The following IQCM variants were observed in gnomAD, a reference collection of about 807,000 sequenced individuals.
IQCM encodes IQ motif containing M.
A neutral mutation model predicts 57.6 loss-of-function variants in IQCM; 45 were observed. That is an observed-to-expected ratio of 0.78 (90% CI 0.62 to 1.00). The LOEUF (loss-of-function observed/expected upper bound fraction) is 1.00. Ranked by LOEUF, IQCM falls within the 50% of genes least tolerant of loss-of-function variation. IQCM has a pLI of 0.00. For missense variants in IQCM, 468 were observed against 511.6 expected (o/e 0.91, Z 0.82); for synonymous variants, 148 against 158.9 (o/e 0.93, Z 0.51).
intron 2 of IQCM, among the ~76,000 whole-genome samples, chr4:149,762,839 T>C (rs1769664598): frequency 6.6e-6 from 1 of 152,090 alleles, no homozygotes; most frequent in Non-Finnish European, 1.5e-5. Flanking sequence ...CTTTCCTAAT[T>C]ACTCTTATAA....
rs77661498 is a variant in IQCM, at chr4:149,617,767, G to GA, written c.681+3361dup. ...CTCAATCCCATTTATAATAGCTACA[G>GA]AAAAAAAAACACTGAGGAATACATT... On this transcript the variant is annotated intron_variant, in intron 8 of 13. Coordinates refer to ENST00000636793, the MANE Select transcript of IQCM (RefSeq NM_001363507.2). Among the ~76,000 whole-genome samples the GA allele has an allele frequency of 1.8e-3, 263 of 148,616 alleles. 1 individual carries two copies. The highest frequency in any genetic ancestry group is 1.8e-3 in the East Asian group (9 of 5,074).
chr4:149,477,542 C>A (rs1740328309), intron 12 of IQCM, among the ~76,000 whole-genome samples: 1 of 152,264 alleles, frequency 6.6e-6, no homozygotes, highest in South Asian at 2.1e-4. Context: ...CTTGCCCTCA[C>A]AGAGCTTACT....
chr4:149,743,146 T>C (rs1006110203), intron 2 of IQCM, among the ~76,000 whole-genome samples: 1 of 152,210 alleles, frequency 6.6e-6, no homozygotes, highest in Non-Finnish European at 1.5e-5. Flanking sequence ...TTTCTACTAC[T>C]TGCTTTCTTA....
intron 7 of IQCM, among the ~76,000 whole-genome samples, chr4:149,623,553 G>C (rs1043964644): frequency 6.6e-6 from 1 of 152,192 alleles, no homozygotes; most frequent in African/African-American, 2.4e-5. Flanking sequence ...CACAGAAGGT[G>C]ACATGCAACA....
chr4:149,473,719 C>T (rs375626390), intron 12 of IQCM, among the ~76,000 whole-genome samples: 1 of 152,098 alleles, frequency 6.6e-6, no homozygotes, highest in Non-Finnish European at 1.5e-5. Context: ...AGACTTGGAA[C>T]CAACCCAAAT....
rs181086934 is a variant in IQCM, at chr4:149,525,397, A to G, written c.1228+23058T>C. Among the ~76,000 whole-genome samples, 502 of 152,064 alleles carry G rather than the reference A, an allele frequency of 3.3e-3. 4 individuals are homozygous for G. The highest frequency in any genetic ancestry group is 2.8e-3 in the Non-Finnish European group (193 of 67,804). ...GTGATTCATAAATGTTAAACTGGCA[A>G]TAGATTGAATCAAGCAGTCAATCCT... On this transcript the variant is annotated intron_variant, in intron 12 of 13. Transcript: ENST00000636793.
At chr4:149,533,081 C>A (rs569535569) in intron 12 of IQCM, among the ~76,000 whole-genome samples, 1 of 151,948 alleles carries the variant, frequency 6.6e-6, no homozygotes, top group Non-Finnish European at 1.5e-5. Flanking sequence ...ATAGAAGAAA[C>A]AGCAAATGCA....
At chr4:149,437,718 T>C (rs1390686678) in intron 12 of IQCM, among the ~76,000 whole-genome samples, 1 of 151,930 alleles carries the variant, frequency 6.6e-6, no homozygotes, top group Non-Finnish European at 1.5e-5. Flanking sequence ...TAATAGAGAA[T>C]TGACATAAAG....
At chr4:149,686,980 T>G (rs1762586252) in intron 5 of IQCM, among the ~76,000 whole-genome samples, 1 of 151,640 alleles carries the variant, frequency 6.6e-6, no homozygotes. Context: ...AATCTACTTC[T>G]TCAAGTCTAA....
intron 7 of IQCM, among the ~76,000 whole-genome samples, chr4:149,678,112 T>C (rs974776797): frequency 6.6e-6 from 1 of 151,862 alleles, no homozygotes; most frequent in African/African-American, 2.4e-5. Flanking sequence ...GTAGAAAGCT[T>C]ATTCAAGGAA....
intron 2 of IQCM, among the ~76,000 whole-genome samples, chr4:149,787,958 G>T (rs1027470233): frequency 6.6e-6 from 1 of 152,136 alleles, no homozygotes; most frequent in Non-Finnish European, 1.5e-5. Context: ...GAATATATAA[G>T]AAGCTCAAAC....
chr4:149,376,009 T>C (rs1013583425), intron 13 of IQCM, among the ~76,000 whole-genome samples: 5 of 152,142 alleles, frequency 3.3e-5, no homozygotes, highest in Non-Finnish European at 7.4e-5. Flanking sequence ...GTGTTTTCTT[T>C]ATCATGCATC....
At chr4:149,435,110 T>TA (rs1735228516) in intron 12 of IQCM, among the ~76,000 whole-genome samples, 1 of 152,124 alleles carries the variant, frequency 6.6e-6, no homozygotes, top group African/African-American at 2.4e-5. Flanking sequence ...TCTTGTCAAT[T>TA]ATTAGAGTTA....
chr4:149,495,408 A>G (rs546223700), intron 12 of IQCM, among the ~76,000 whole-genome samples: 1 of 152,276 alleles, frequency 6.6e-6, no homozygotes, highest in Admixed American at 6.5e-5. Flanking sequence ...GGTCTAGAAT[A>G]TAGTGACAAG....
chr4:149,460,185 CTTTTCGTGTGCTTA>C (rs1211634375), intron 12 of IQCM, among the ~76,000 whole-genome samples: 1 of 152,098 alleles, frequency 6.6e-6, no homozygotes, highest in South Asian at 2.1e-4. Flanking sequence ...GGTCAAGCAT[CTTTTCGTGTGCTTA>C]TTAGCCATTG....
At chr4:149,723,371 T>C (rs1311409522) in intron 5 of IQCM, among the ~76,000 whole-genome samples, 2 of 151,986 alleles carry the variant, frequency 1.3e-5, no homozygotes, top group Non-Finnish European at 2.9e-5. Flanking sequence ...TTCTAGTACT[T>C]AGGAGAAATG....
intron 13 of IQCM, among the ~76,000 whole-genome samples, chr4:149,409,646 C>T (rs1733231408): frequency 1.3e-5 from 2 of 152,284 alleles, no homozygotes; most frequent in Non-Finnish European, 2.9e-5. Context: ...TGTGCAAACG[C>T]TTCTGAACAG....
At chr4:149,610,616 G>C (rs550551381) in intron 8 of IQCM, among the ~76,000 whole-genome samples, 2 of 151,948 alleles carry the variant, frequency 1.3e-5, no homozygotes. Flanking sequence ...AACACGGCCT[G>C]GGAAAATAAC....
intron 13 of IQCM, among the ~76,000 whole-genome samples, chr4:149,377,226 A>C (rs892194593): frequency 6.6e-6 from 1 of 152,192 alleles, no homozygotes; most frequent in African/African-American, 2.4e-5. Flanking sequence ...AAAAAAAATT[A>C]AATTTTATTT....
Sources: gnomAD v4.1 joint callset for allele counts (sites outside exome capture counted in the v4.1 genomes callset) on GRCh38, gnomAD v4.1.1 for gene constraint, MANE v1.5 for transcripts, NCBI Gene and HGNC (gene_info 2026-07-23, HGNC 2026-07-21) for gene names.